Variants in IPP observed in about 807,000 individuals in gnomAD.
The protein encoded by IPP is actin-binding protein IPP.
IPP carries 41 observed loss-of-function variants against 64.1 expected under a neutral mutation model. The observed-to-expected ratio is 0.64, with a 90% CI of 0.50 to 0.83. The LOEUF (loss-of-function observed/expected upper bound fraction) is 0.83. Ranked by LOEUF, IPP falls within the 40% of genes least tolerant of loss-of-function variation. The pLI, the probability that IPP is intolerant of heterozygous loss-of-function variation, is 0.00. For missense variants in IPP, 649 were observed against 703.0 expected, an observed-to-expected ratio of 0.92 and a Z score of 0.87; for synonymous variants, 214 against 235.2, an observed-to-expected ratio of 0.91 and a Z score of 0.83.
intron 3 of IPP, among the ~76,000 whole-genome samples, chr1:45,731,865 G>A (rs1236564941): frequency 6.6e-6 from 1 of 151,282 alleles, no homozygotes; most frequent in South Asian, 2.1e-4. Context: ...GAACCCGGGA[G>A]GCAAAGGTTG....
chr1:45,716,179 G>A (rs1370369056), intron 7 of IPP, among the ~76,000 whole-genome samples: 2 of 152,160 alleles, frequency 1.3e-5, no homozygotes, highest in Non-Finnish European at 2.9e-5. Flanking sequence ...TATATGTTAT[G>A]TGAGCGGCAT....
chr1:45,745,819 C>T (rs999601036), intron 2 of IPP, among the ~76,000 whole-genome samples: 15 of 152,088 alleles, frequency 9.9e-5, no homozygotes, highest in African/African-American at 3.1e-4. Flanking sequence ...GAGCCAAGAT[C>T]GCCCCACTGC....
chr1:45,701,742 T>G (rs935418319), intron 8 of IPP, among the ~76,000 whole-genome samples: 2 of 152,178 alleles, frequency 1.3e-5, no homozygotes, highest in Admixed American at 6.5e-5. Flanking sequence ...TGAACAAAGT[T>G]TTTTTAATCA....
At chr1:45,741,422 T>C (rs530901038) in intron 2 of IPP, 90 bp from the exon 3 acceptor site, 1 of 884,092 alleles carries the variant, frequency 1.1e-6, no homozygotes, top group Non-Finnish European at 1.7e-6. Flanking sequence ...ATTTCACTGA[T>C]AGTTTGATGC....
At chr1:45,740,859 G>A (rs955037978) in intron 3 of IPP, 42 bp downstream of exon 3, 1 of 1,276,424 alleles carries the variant, frequency 7.8e-7, no homozygotes. Flanking sequence ...ACACATCACT[G>A]GATAATTAAT....
intron 3 of IPP, among the ~76,000 whole-genome samples, chr1:45,739,824 C>A (rs956122587): frequency 7.8e-6 from 1 of 127,976 alleles, no homozygotes; most frequent in Non-Finnish European, 1.7e-5. Context: ...AAGAGGAAAT[C>A]TTTTTTTTTT....
At chr1:45,725,134 C>T (rs1168123981) in intron 5 of IPP, among the ~76,000 whole-genome samples, 6 of 131,054 alleles carry the variant, frequency 4.6e-5, no homozygotes, top group South Asian at 2.6e-4. Flanking sequence ...GCCCCCCGCC[C>T]GGCCAGCCGC....
chr1:45,714,370 G>A lies in IPP; in HGVS notation c.1406C>T (p.Pro469Leu), dbSNP rs1452710299. 6.2e-7 allele frequency: 1 copy of A among 1,613,988 alleles called. No homozygotes were observed. The highest frequency in any genetic ancestry group is 1.7e-5 in the Admixed American group (1 of 60,028). ...DPLSKRWSPL[P>L]PMGTRRAYLG... ...ATATGCTCTCCTGGTTCCCATTGGA[G>A]GAAGTGGAGACCAACGCTTAGAAAG... The change falls in exon 8 of 9, where the codon CCT becomes CTT. Residue 469 changes from proline to leucine, a missense_variant. Physicochemically the swap from Pro to Leu is moderately conservative, Grantham distance 98 (BLOSUM62 -3). Transcript: ENST00000396478.
In IPP at chr1:45,716,912, C is replaced by A; in HGVS notation, c.1292G>T (p.Gly431Val). 2 of 1,612,214 alleles carry A rather than the reference C, an allele frequency of 1.2e-6. No homozygotes were observed. Among genetic ancestry groups the A allele is most frequent in the South Asian group, 2.2e-5 (2 of 90,754 alleles). ...GNMAVSRYYF[G>V]CCEMQGLIYV... Reference sequence around the variant, plus strand: ...GTGATTACCTTGCATTTCACAGCACCCAAAGTAGTAGCGTGACACAGCCAT... The same window carrying A: ...GTGATTACCTTGCATTTCACAGCACACAAAGTAGTAGCGTGACACAGCCAT... Residue 431 changes from glycine (G) to valine (V), a missense_variant, in exon 7 of 9, where the codon GGG becomes GTG. Gly to Val is a moderately radical substitution (Grantham distance 109). Coordinates refer to ENST00000396478, the MANE Select transcript of IPP (RefSeq NM_005897.3).
chr1:45,717,241 A>C (rs1645672993), intron 6 of IPP, among the ~76,000 whole-genome samples: 1 of 146,340 alleles, frequency 6.8e-6, no homozygotes, highest in African/African-American at 2.5e-5. Context: ...AAAAAAAAAA[A>C]AAAGGAATTC....
chr1:45,724,690 G>C (rs1339844107), intron 5 of IPP, among the ~76,000 whole-genome samples: 1 of 151,630 alleles, frequency 6.6e-6, no homozygotes, highest in Non-Finnish European at 1.5e-5. Flanking sequence ...GGGAGGTGAG[G>C]AGCGTCTCTG....
At position 45,746,278 on chromosome 1, in the gene IPP, T is replaced by G; in HGVS notation, c.134A>C (p.Gln45Pro). The change falls in exon 2 of 9, where the codon CAG becomes CCG. Residue 45 changes from glutamine (Q) to proline (P), a missense_variant. By Grantham distance (76) the Gln-to-Pro change is moderately conservative. Coordinates refer to ENST00000396478, the MANE Select transcript of IPP (RefSeq NM_005897.3). ...CAGCCGATGAGCTTTAAAACTTTCC[T>G]GTCCAACTTGCAGCTGCACATCACA... ...HFCDVQLQVG[Q>P]ESFKAHRLVL... is the part of the protein sequence containing the mutation. 6.2e-7 allele frequency: 1 copy of G among 1,614,228 alleles called. No individual in the cohort carries two copies. The highest frequency in any genetic ancestry group is 2.2e-5 in the East Asian group (1 of 44,888).
At chr1:45,731,122 A>G (rs1645899050) in intron 3 of IPP, among the ~76,000 whole-genome samples, 2 of 152,228 alleles carry the variant, frequency 1.3e-5, no homozygotes, top group African/African-American at 4.8e-5. Context: ...TCTAGTCTTC[A>G]ACCACCCTCA....
At chr1:45,746,908 G>A (rs1646141500) in intron 1 of IPP, among the ~76,000 whole-genome samples, 1 of 152,078 alleles carries the variant, frequency 6.6e-6, no homozygotes, top group Admixed American at 6.5e-5. Context: ...AAGCCCTTCG[G>A]GATTCTTGTT....
chr1:45,744,647 T>A (rs1646110690), intron 2 of IPP, among the ~76,000 whole-genome samples: 2 of 152,134 alleles, frequency 1.3e-5, no homozygotes, highest in South Asian at 4.1e-4. Context: ...GAGACCATCC[T>A]GGCCAACATG....
chr1:45,703,336 A>C (rs79152133), intron 8 of IPP, among the ~76,000 whole-genome samples: 1 of 950 alleles, frequency 1.1e-3, no homozygotes, highest in African/African-American at 4.1e-3. Context: ...TGATCTACCC[A>C]CCTTGGCCTC....
intron 3 of IPP, among the ~76,000 whole-genome samples, chr1:45,738,865 A>AT (rs1646018971): frequency 1.3e-5 from 2 of 149,676 alleles, no homozygotes. Flanking sequence ...AAAAAAAAAA[A>AT]CAAGAAAAAA....
intron 8 of IPP, 50 bp from the exon 9 acceptor site, chr1:45,700,240 G>A: frequency 6.4e-7 from 1 of 1,557,246 alleles, no homozygotes; most frequent in Non-Finnish European, 8.6e-7. Flanking sequence ...TGAAATGATA[G>A]TAAAGAAATC....
chr1:45,749,501 T>TG (rs1646187585), intron 1 of IPP, among the ~76,000 whole-genome samples: 3 of 149,150 alleles, frequency 2.0e-5, no homozygotes, highest in African/African-American at 7.4e-5. Flanking sequence ...TTTGTTTTTT[T>TG]TTTTTGTTTT....
Sources: allele counts gnomAD v4.1 joint callset (sites outside exome capture counted in the v4.1 genomes callset), GRCh38; gene constraint gnomAD v4.1.1; transcripts MANE v1.5; gene names NCBI Gene and HGNC (gene_info 2026-07-23, HGNC 2026-07-21).